Variants in BRI3 observed in about 807,000 individuals in gnomAD.
BRI3 encodes membrane protein BRI3.
Under a neutral mutation model 12.8 loss-of-function variants are expected in BRI3, and 6 were observed. The ratio of observed to expected loss-of-function variants is 0.47; its 90% CI spans 0.26 to 0.93. The LOEUF (loss-of-function observed/expected upper bound fraction) is 0.93, where lower values mean the gene tolerates loss of function less well. Ranked by LOEUF, BRI3 falls within the 40% of genes least tolerant of loss-of-function variation. The pLI is 0.15. For synonymous variants in BRI3, 91 were observed against 76.1 expected (o/e 1.20, Z -1.02); for missense variants, 134 against 171.1 (o/e 0.78, Z 1.21).
At chr7:98,297,732 C>T (rs1177773680), downstream of BRI3, among the ~76,000 whole-genome samples, 2 of 152,186 alleles carry the variant, frequency 1.3e-5, no homozygotes, top group South Asian at 4.1e-4. Flanking sequence ...TTTTGGAAGC[C>T]GAGGCACCCA....
intron 2 of BRI3, among the ~76,000 whole-genome samples, chr7:98,283,194 C>T (rs1334478580): frequency 3.3e-5 from 5 of 151,352 alleles, no homozygotes; most frequent in African/African-American, 9.7e-5. Flanking sequence ...AAAGTAGGGG[C>T]AGAGTTGGCC....
chr7:98,305,596 T>C (rs969629714), upstream of BRI3, among the ~76,000 whole-genome samples: 2 of 152,052 alleles, frequency 1.3e-5, no homozygotes, highest in African/African-American at 4.8e-5. Flanking sequence ...AATTGTTTAT[T>C]TTTTTTGTAG....
downstream of BRI3, among the ~76,000 whole-genome samples, chr7:98,295,596 G>A (rs752116105): frequency 7.2e-5 from 11 of 152,146 alleles, no homozygotes; most frequent in Non-Finnish European, 1.6e-4. Flanking sequence ...GGCCATGGCT[G>A]GGCCTGAGGC....
downstream of BRI3, chr7:98,312,276 A>G (rs774129829): frequency 1.3e-6 from 2 of 1,594,708 alleles, no homozygotes; most frequent in African/African-American, 2.7e-5. Context: ...TGCAAAGCCA[A>G]AAGAAGAAGA....
At chr7:98,304,503 C>T (rs1800556745), upstream of BRI3, 1 of 935,408 alleles carries the variant, frequency 1.1e-6, no homozygotes, top group African/African-American at 1.8e-5. Flanking sequence ...ATCTTGATCT[C>T]ACACACACAG....
chr7:98,284,998 C>G (rs531243665), intron 2 of BRI3, among the ~76,000 whole-genome samples: 29 of 152,288 alleles, frequency 1.9e-4, no homozygotes, highest in African/African-American at 6.7e-4. Context: ...CTGGGAGGCT[C>G]TCCTGGGCTG....
rs1300296022 is a variant in BRI3 at position 98,282,346 on chromosome 7, C to T, written c.143-5C>T. ...CACCCTAATGACCTGCTTTCCCGCC[C>T]ACAGGGATACCCACCCACCATCCCA... is the stretch of plus-strand genomic sequence containing the variant. On this transcript the variant is annotated splice_region_variant and splice_polypyrimidine_tract_variant and intron_variant, in intron 1 of 2. Transcript: ENST00000297290. 1.7e-5 allele frequency: 28 copies of T among 1,612,522 alleles called. No homozygotes were observed. Among genetic ancestry groups the T allele is most frequent in the Non-Finnish European group, 2.4e-5 (28 of 1,178,730 alleles).
intron 1 of BRI3, among the ~76,000 whole-genome samples, chr7:98,299,005 T>A (rs528900802): frequency 2.2e-4 from 34 of 151,990 alleles, no homozygotes; most frequent in African/African-American, 8.2e-4. Context: ...CCTGACTTTT[T>A]AATTTTCTGT....
chr7:98,296,540 G>A (rs1800199105), downstream of BRI3, among the ~76,000 whole-genome samples: 1 of 152,140 alleles, frequency 6.6e-6, no homozygotes, highest in African/African-American at 2.4e-5. Context: ...CAGGAGAATC[G>A]CTTGAACAGG....
the BRI3 span, among the ~76,000 whole-genome samples, chr7:98,320,806 T>C: frequency 6.6e-6 from 1 of 152,134 alleles, no homozygotes; most frequent in African/African-American, 2.4e-5. Flanking sequence ...TTCTACAACA[T>C]AATTAATCAG....
chr7:98,295,192 G>C (rs7783403), downstream of BRI3, among the ~76,000 whole-genome samples: 18,377 of 152,266 alleles, frequency 0.12, 1,394 homozygotes, highest in South Asian at 0.23. Flanking sequence ...TGGAGGCCCA[G>C]GCCAGGCCTC....
downstream of BRI3, chr7:98,294,212 CG>C: frequency 2.4e-6 from 3 of 1,276,190 alleles, no homozygotes; most frequent in Non-Finnish European, 3.3e-6. Flanking sequence ...AGGCTGGTTT[CG>C]AACTCCTGAG....
intron 2 of BRI3, among the ~76,000 whole-genome samples, chr7:98,283,608 C>T (rs893631310): frequency 2.0e-5 from 3 of 152,118 alleles, no homozygotes; most frequent in African/African-American, 7.2e-5. Context: ...GGTTGGGGGG[C>T]TGGCAGAGCT....
exon 2 of BRI3, chr7:98,308,053 G>A (rs1800727726): frequency 1.3e-6 from 1 of 761,544 alleles, no homozygotes; most frequent in African/African-American, 1.7e-5. Context: ...TTTGATCATT[G>A]CCCAGAAGGA....
chr7:98,298,388 G>A (rs573984981), intron 1 of BRI3, among the ~76,000 whole-genome samples: 11 of 152,324 alleles, frequency 7.2e-5, no homozygotes, highest in African/African-American at 1.7e-4. Context: ...CGAGGCAGAC[G>A]GATCACAAGG....
chr7:98,318,602 G>A, the BRI3 span, among the ~76,000 whole-genome samples: 3,000 of 151,328 alleles, frequency 0.02, 101 homozygotes, highest in African/African-American at 0.069. Context: ...AAACGGACCC[G>A]CGTCAGAATT....
chr7:98,308,544 C>T, exon 2 of BRI3: 1 of 345,042 alleles, frequency 2.9e-6, no homozygotes, highest in Non-Finnish European at 5.8e-6. Context: ...AGTGGCTGGG[C>T]CAGGAACCAG....
chr7:98,292,842 C>T (rs547097271), downstream of BRI3: 47 of 1,456,852 alleles, frequency 3.2e-5, no homozygotes, highest in Admixed American at 1.8e-4. Flanking sequence ...AATCCGTTGG[C>T]GACTCCTAAC....
upstream of BRI3, chr7:98,304,096 TG>T: frequency 7.8e-7 from 1 of 1,278,082 alleles, no homozygotes; most frequent in Non-Finnish European, 1.0e-6. Context: ...ACTCTCCCCC[TG>T]GGGACAGAGC....
Sources: allele counts gnomAD v4.1 joint callset (sites outside exome capture counted in the v4.1 genomes callset), GRCh38; gene constraint gnomAD v4.1.1; transcripts MANE v1.5; gene names NCBI Gene and HGNC (gene_info 2026-07-23, HGNC 2026-07-21).